UBR3: variants seen among roughly 807,000 people sequenced by gnomAD.
The protein encoded by UBR3 is ubiquitin protein ligase E3 component n-recognin 3.
A neutral mutation model predicts 243.2 loss-of-function variants in UBR3; 85 were observed. The observed-to-expected ratio is 0.35, with a 90% CI of 0.29 to 0.42. The LOEUF (loss-of-function observed/expected upper bound fraction) is 0.42, where lower values mean the gene tolerates loss of function less well. UBR3 is among the 10% of genes least tolerant of loss of function. UBR3 has a pLI of 1.00. For synonymous variants in UBR3, 748 were observed against 799.8 expected (o/e 0.94, Z 1.09); for missense variants, 1,686 against 2,300.8 (o/e 0.73, Z 5.47).
intron 5 of UBR3, among the ~76,000 whole-genome samples, chr2:169,885,090 T>G (rs1385951086): frequency 6.6e-6 from 1 of 152,186 alleles, no homozygotes; most frequent in Non-Finnish European, 1.5e-5. Flanking sequence ...GTATTTATAT[T>G]TGAAATATAG....
At chr2:170,041,565 GTATTA>G (rs2090969488) in intron 32 of UBR3, among the ~76,000 whole-genome samples, 1 of 152,152 alleles carries the variant, frequency 6.6e-6, no homozygotes, top group African/African-American at 2.4e-5. Context: ...AACAGCATCA[GTATTA>G]TATTAGCAAC....
At chr2:170,051,625 G>A (rs2091219529) in intron 32 of UBR3, among the ~76,000 whole-genome samples, 2 of 152,130 alleles carry the variant, frequency 1.3e-5, no homozygotes, top group Admixed American at 6.6e-5. Context: ...GATTACAGGC[G>A]TGAGCCACCG....
intron 26 of UBR3, among the ~76,000 whole-genome samples, chr2:169,997,915 G>A (rs1258262137): frequency 6.6e-6 from 1 of 152,172 alleles, no homozygotes; most frequent in Non-Finnish European, 1.5e-5. Flanking sequence ...TCCAGTCATG[G>A]ATTCTACCTG....
intron 1 of UBR3, among the ~76,000 whole-genome samples, chr2:169,844,307 G>C (rs373105268): frequency 1.3e-5 from 2 of 152,004 alleles, no homozygotes; most frequent in East Asian, 1.9e-4. Flanking sequence ...CCTCATATTC[G>C]ATTTCTTTAG....
chr2:169,877,848 AT>A (rs1451259714), intron 4 of UBR3, among the ~76,000 whole-genome samples: 1 of 152,228 alleles, frequency 6.6e-6, no homozygotes, highest in Non-Finnish European at 1.5e-5. Flanking sequence ...ATGGAATTTG[AT>A]TAGCTTATTA....
intron 6 of UBR3, among the ~76,000 whole-genome samples, chr2:169,892,350 G>T (rs1322286483): frequency 6.6e-6 from 1 of 152,150 alleles, no homozygotes; most frequent in East Asian, 1.9e-4. Context: ...AGATTGTTAG[G>T]CACATAGTTG....
Position 169,895,291 on chromosome 2 carries a change from C to T in UBR3, c.1216C>T (p.Leu406Phe), listed in dbSNP as rs1161438229. The change falls in exon 7 of 39, where the codon CTT becomes TTT. Residue 406 changes from leucine (L) to phenylalanine (F), a missense_variant. By Grantham distance (22) the Leu-to-Phe change is conservative (BLOSUM62 0). Transcript: ENST00000272793. ...GATGGTAACTTTCTTACTCAACATG[C>T]TTCCAGATCAAGAGTATAAGGTATC... ...QKMVTFLLNM[L>F]PDQEYKVAFT... 6 of 1,544,396 alleles carry T rather than the reference C, an allele frequency of 3.9e-6. No homozygotes were observed. The highest frequency in any genetic ancestry group is 2.8e-5 in the African/African-American group (2 of 72,600).
At chr2:169,945,818 C>G (rs1229837694) in intron 20 of UBR3, among the ~76,000 whole-genome samples, 3 of 152,154 alleles carry the variant, frequency 2.0e-5, no homozygotes, top group African/African-American at 7.2e-5. Context: ...TAACCACTTG[C>G]ATTCCTTCTA....
In UBR3 at chr2:170,029,435, G is replaced by A; in HGVS notation, c.4543G>A (p.Glu1515Lys). 6.2e-7 allele frequency: 1 copy of A among 1,609,586 alleles called. No individual in the cohort carries two copies. The change falls in exon 31 of 39, where the codon GAG becomes AAG. Residue 1515 changes from glutamate (E) to lysine (K), a missense_variant. This residue lies in a region of UBR3 where 371 missense variants were observed against 422.5 expected (regional missense o/e 0.88). Coordinates refer to ENST00000272793, the MANE Select transcript of UBR3 (RefSeq NM_172070.4). ...NPWRKLTQLEEMNPQLGYEEQ... is the reference protein window; with the variant it reads ...NPWRKLTQLEKMNPQLGYEEQ... ...CTGGAGAAAGCTCACCCAGTTAGAA[G>A]AGATGAATCCACAGTAAGTATAATT...
intron 28 of UBR3, among the ~76,000 whole-genome samples, chr2:170,007,645 C>T (rs1296864374): frequency 6.6e-6 from 1 of 152,132 alleles, no homozygotes; most frequent in East Asian, 1.9e-4. Context: ...AGACAGATCA[C>T]TTAAGGTCAG....
At chr2:169,958,231 A>G (rs562598949) in intron 23 of UBR3, among the ~76,000 whole-genome samples, 5 of 152,306 alleles carry the variant, frequency 3.3e-5, no homozygotes, top group Admixed American at 2.0e-4. Flanking sequence ...ATTTTTATCT[A>G]TTAAACCAGT....
chr2:170,036,179 G>T (rs1478037306), intron 31 of UBR3, among the ~76,000 whole-genome samples: 1 of 151,998 alleles, frequency 6.6e-6, no homozygotes, highest in East Asian at 1.9e-4. Flanking sequence ...TTATCTTGAG[G>T]CATTAGCTAG....
intron 30 of UBR3, among the ~76,000 whole-genome samples, chr2:170,025,332 C>A (rs774286164): frequency 6.6e-6 from 1 of 152,096 alleles, no homozygotes; most frequent in Non-Finnish European, 1.5e-5. Flanking sequence ...AGGGGATAAT[C>A]TGATCTTTCT....
intron 2 of UBR3, among the ~76,000 whole-genome samples, chr2:169,874,901 C>T (rs1241112757): frequency 6.6e-6 from 1 of 151,972 alleles, no homozygotes; most frequent in Non-Finnish European, 1.5e-5. Flanking sequence ...TTAAGCTATA[C>T]ATCTCTTTAT....
At chr2:169,907,875 G>A (rs1194220215) in intron 10 of UBR3, among the ~76,000 whole-genome samples, 5 of 151,904 alleles carry the variant, frequency 3.3e-5, no homozygotes, top group South Asian at 2.1e-4. Flanking sequence ...GGGTTCAAGC[G>A]ATTCTTCTGC....
intron 1 of UBR3, among the ~76,000 whole-genome samples, chr2:169,843,182 T>A (rs2082357086): frequency 6.6e-6 from 1 of 152,244 alleles, no homozygotes; most frequent in African/African-American, 2.4e-5. Flanking sequence ...AATTTCTGGC[T>A]TAGTTCATTT....
intron 27 of UBR3, among the ~76,000 whole-genome samples, chr2:170,005,183 C>T (rs1314590830): frequency 6.6e-6 from 1 of 151,940 alleles, no homozygotes; most frequent in Admixed American, 6.5e-5. Context: ...GAGATCGCGC[C>T]ACTGCACTCC....
intron 11 of UBR3, among the ~76,000 whole-genome samples, chr2:169,915,004 T>C (rs1230132759): frequency 6.6e-6 from 1 of 152,160 alleles, no homozygotes. Context: ...ACTACCCCCA[T>C]GCATTTCAGT....
At chr2:169,970,235 G>GTTTTTTTTT (rs531832498) in intron 24 of UBR3, among the ~76,000 whole-genome samples, 2 of 85,580 alleles carry the variant, frequency 2.3e-5, no homozygotes, top group Non-Finnish European at 4.6e-5. Context: ...TTGTTCCTAG[G>GTTTTTTTTT]TTTTTTTTTT....
Sources: gnomAD v4.1 joint callset for allele counts (sites outside exome capture counted in the v4.1 genomes callset) on GRCh38, gnomAD v4.1.1 for gene constraint, gnomAD v4.1.1 regional missense constraint, MANE v1.5 for transcripts, NCBI Gene and HGNC (gene_info 2026-07-23, HGNC 2026-07-21) for gene names.